The following FAM135B variants were observed in gnomAD, a reference collection of about 807,000 sequenced individuals.
FAM135B encodes protein FAM135B.
Under a neutral mutation model 127.7 loss-of-function variants are expected in FAM135B, and 43 were observed. That is an observed-to-expected ratio of 0.34 (90% CI 0.26 to 0.43). The LOEUF is 0.43. Ranked by LOEUF, FAM135B falls within the 20% of genes least tolerant of loss-of-function variation. FAM135B has a pLI of 1.00. For synonymous variants in FAM135B, 670 were observed against 665.1 expected, an observed-to-expected ratio of 1.01 and a Z score of -0.11; for missense variants, 1,558 against 1,725.6, an observed-to-expected ratio of 0.90 and a Z score of 1.72.
chr8:138,396,495 C>G (rs765824975), intron 1 of FAM135B, among the ~76,000 whole-genome samples: 1 of 152,172 alleles, frequency 6.6e-6, no homozygotes, highest in Non-Finnish European at 1.5e-5. Context: ...CAGGCTCACT[C>G]TGTCCTTCCT....
intron 7 of FAM135B, among the ~76,000 whole-genome samples, chr8:138,198,916 T>C (rs978356758): frequency 1.3e-5 from 2 of 152,198 alleles, no homozygotes; most frequent in African/African-American, 2.4e-5. Context: ...CGTGCCCATC[T>C]ACTGTTCACA....
rs1817141046 is a variant in FAM135B at position 138,141,462 on chromosome 8, G to T, written c.3639-113C>A. 9.1e-7 allele frequency: 1 copy of T among 1,096,646 alleles called. No homozygotes were observed. The highest frequency in any genetic ancestry group is 1.6e-5 in the African/African-American group (1 of 64,380). 67.9% of individuals were successfully genotyped at this position (1,096,646 alleles called of 1,614,324 possible). A position where few individuals can be genotyped will look rare whatever the true frequency, so the allele number is the denominator to read the frequency against. On this transcript the variant is annotated intron_variant, in intron 16 of 19. Transcript: ENST00000395297. This position sits in a 1 kb window ranked among gnomAD's most constrained non-coding sequence, Gnocchi z 4.7. ...TTCTCCACCTCCCACTGAATGTAGG[G>T]GAACTGGCAAAGAGAACAGGGACTG...
At chr8:138,408,935 A>G (rs1262700224) in intron 1 of FAM135B, among the ~76,000 whole-genome samples, 1 of 152,096 alleles carries the variant, frequency 6.6e-6, no homozygotes, top group Non-Finnish European at 1.5e-5. Flanking sequence ...AAACCACAAA[A>G]ACTTTCTCCA....
intron 7 of FAM135B, among the ~76,000 whole-genome samples, chr8:138,234,434 C>T (rs1213792942): frequency 5.3e-5 from 8 of 152,140 alleles, no homozygotes; most frequent in Non-Finnish European, 1.0e-4. Flanking sequence ...ATTGCAGCAT[C>T]ATTCACAATA....
At position 138,389,086 on chromosome 8, in the gene FAM135B, C is replaced by A. The variant is rs1270274707; in HGVS notation, c.-19-21084G>T. Among the ~76,000 whole-genome samples, 14 of 152,072 alleles carry A rather than the reference C, an allele frequency of 9.2e-5. 1 individual carries two copies. The highest frequency in any genetic ancestry group is 9.2e-4 in the Admixed American group (14 of 15,272). ...CTTAAAAATAAAGTCTTTTCACATA[C>A]AACACACACACAATGAGATATCACT... is the stretch of plus-strand genomic sequence containing the variant. On this transcript the variant is annotated intron_variant, in intron 1 of 19. Coordinates refer to ENST00000395297, the MANE Select transcript of FAM135B (RefSeq NM_015912.4).
intron 12 of FAM135B, among the ~76,000 whole-genome samples, chr8:138,153,538 C>T (rs1215382121): frequency 6.6e-6 from 1 of 152,254 alleles, no homozygotes; most frequent in Middle Eastern, 3.4e-3. Context: ...CTTTCCTAGC[C>T]AAGGGAAGCC....
chr8:138,362,686 T>C (rs1830505448), intron 2 of FAM135B, among the ~76,000 whole-genome samples: 1 of 152,210 alleles, frequency 6.6e-6, no homozygotes, highest in African/African-American at 2.4e-5. Context: ...ATAAATGGTA[T>C]GACACATGGT....
chr8:138,378,484 C>T (rs1221522151), intron 1 of FAM135B, among the ~76,000 whole-genome samples: 4 of 152,142 alleles, frequency 2.6e-5, no homozygotes, highest in African/African-American at 9.7e-5. Context: ...AGAAGCAAAC[C>T]TAAAAACAGT....
rs746870526 is a variant in FAM135B at position 138,152,588 on chromosome 8, C to T, written c.1887G>A (p.Val629=). Residue 629 remains valine, a synonymous_variant, in exon 13 of 20, where the codon GTG becomes GTA. Coordinates refer to ENST00000395297, the MANE Select transcript of FAM135B (RefSeq NM_015912.4). ...GKGIDQEGKM[V]LLSLKLTPSE... Reference sequence around the variant, plus strand: ...AGGGGGTGAGTTTCAAGCTTAGCAGCACCATCTTCCCCTCTTGATCTATTC... The same window carrying T: ...AGGGGGTGAGTTTCAAGCTTAGCAGTACCATCTTCCCCTCTTGATCTATTC... 2 of 1,614,054 alleles carry T rather than the reference C, an allele frequency of 1.2e-6. No individual in the cohort carries two copies. Among genetic ancestry groups the T allele is most frequent in the South Asian group, 1.1e-5 (1 of 91,090 alleles).
rs1229580851 is a variant in FAM135B, at chr8:138,407,664, T to A, written c.-19-39662A>T. ...GAAAAACAAGCAGTGGGGAAAGGAT[T>A]CCCTATTTAATAAATGGTGCTGGGA... is the stretch of plus-strand genomic sequence containing the variant. On this transcript the variant is annotated intron_variant, in intron 1 of 19. Coordinates refer to ENST00000395297, the MANE Select transcript of FAM135B (RefSeq NM_015912.4). Among the ~76,000 whole-genome samples, 72 of 152,178 alleles carry A rather than the reference T, an allele frequency of 4.7e-4. 1 individual carries two copies. The highest frequency in any genetic ancestry group is 4.7e-3 in the Admixed American group (72 of 15,272).
chr8:138,188,072 C>T (rs189853349), intron 9 of FAM135B, among the ~76,000 whole-genome samples: 86 of 152,230 alleles, frequency 5.6e-4, no homozygotes, highest in Non-Finnish European at 8.7e-4. Context: ...CAGCTGAGGA[C>T]GCCTTCAACT....
intron 9 of FAM135B, among the ~76,000 whole-genome samples, chr8:138,183,122 G>T (rs527540069): frequency 1.3e-5 from 2 of 151,786 alleles, no homozygotes; most frequent in Admixed American, 6.6e-5. Context: ...CAAGGGGGGT[G>T]GGGGGGCGGT....
chr8:138,195,920 T>C (rs1386798401), intron 8 of FAM135B, among the ~76,000 whole-genome samples: 2 of 152,206 alleles, frequency 1.3e-5, no homozygotes, highest in Admixed American at 1.3e-4. Flanking sequence ...GGCTCTGGCA[T>C]GGATTTTAAT....
chr8:138,266,680 C>T (rs548798056), intron 3 of FAM135B, among the ~76,000 whole-genome samples: 6 of 149,534 alleles, frequency 4.0e-5, no homozygotes, highest in African/African-American at 1.2e-4. Flanking sequence ...ATAAATAGCA[C>T]TGCCCAGGGT....
At chr8:138,485,772 G>A (rs1315082883) in intron 1 of FAM135B, among the ~76,000 whole-genome samples, 1 of 152,084 alleles carries the variant, frequency 6.6e-6, no homozygotes, top group Non-Finnish European at 1.5e-5. Context: ...GGGAAATAGG[G>A]GAGATCACTG....
chr8:138,329,796 A>G (rs1828042848), intron 2 of FAM135B, among the ~76,000 whole-genome samples: 1 of 152,166 alleles, frequency 6.6e-6, no homozygotes, highest in African/African-American at 2.4e-5. Flanking sequence ...ATAGTTGTTA[A>G]TATTAATTCA....
chr8:138,369,384 G>T (rs1830973101), intron 1 of FAM135B, among the ~76,000 whole-genome samples: 1 of 152,160 alleles, frequency 6.6e-6, no homozygotes, highest in African/African-American at 2.4e-5. Context: ...CAACCTCACT[G>T]CAGTTAACAG....
At chr8:138,446,743 G>A (rs1411379601) in intron 1 of FAM135B, among the ~76,000 whole-genome samples, 8 of 151,894 alleles carry the variant, frequency 5.3e-5, no homozygotes, top group Non-Finnish European at 1.0e-4. Flanking sequence ...ACACAGGCAT[G>A]GGCAAGGACT....
chr8:138,376,705 T>C (rs1197410584), intron 1 of FAM135B, among the ~76,000 whole-genome samples: 1 of 152,212 alleles, frequency 6.6e-6, no homozygotes, highest in Non-Finnish European at 1.5e-5. Flanking sequence ...AGAACATCAA[T>C]GCATTAGGGT....
Sources: allele counts gnomAD v4.1 joint callset (sites outside exome capture counted in the v4.1 genomes callset), GRCh38; gene constraint gnomAD v4.1.1; non-coding constraint Gnocchi (gnomAD v3.1); transcripts MANE v1.5; gene names NCBI Gene and HGNC (gene_info 2026-07-23, HGNC 2026-07-21).